PTK2B: variants seen among roughly 807,000 people sequenced by gnomAD.
PTK2B encodes the protein protein-tyrosine kinase 2-beta.
In PTK2B, 71 loss-of-function variants were observed where a neutral mutation model predicts 142.9. The observed-to-expected ratio is 0.50, with a 90% CI of 0.41 to 0.61. The LOEUF (loss-of-function observed/expected upper bound fraction) is 0.61, where lower values mean the gene tolerates loss of function less well. Ranked by LOEUF, PTK2B falls within the 20% of genes least tolerant of loss-of-function variation. PTK2B has a pLI of 0.00. For synonymous variants in PTK2B, 519 were observed against 503.4 expected (o/e 1.03, Z -0.42); for missense variants, 1,105 against 1,320.4 (o/e 0.84, Z 2.53).
intron 3 of PTK2B, 150 bp downstream of exon 3, chr8:27,420,223 C>T: frequency 2.1e-6 from 2 of 945,806 alleles, no homozygotes; most frequent in East Asian, 2.6e-5. Context: ...CTCCAGTATC[C>T]AATGCATGTA....
chr8:27,397,471 G>T, intron 1 of PTK2B, 77 bp from the exon 2 acceptor site: 1 of 1,107,662 alleles, frequency 9.0e-7, no homozygotes, highest in East Asian at 2.4e-5. Flanking sequence ...GAGCTCGGTG[G>T]GTGCTGTCCC....
chr8:27,441,352 T>G (rs1231595672), intron 21 of PTK2B, among the ~76,000 whole-genome samples: 1 of 152,256 alleles, frequency 6.6e-6, no homozygotes, highest in Admixed American at 6.5e-5. Context: ...CATACAAAAA[T>G]AGATGAAAGG....
intron 28 of PTK2B, among the ~76,000 whole-genome samples, chr8:27,453,367 C>G (rs1317587007): frequency 3.3e-5 from 5 of 152,178 alleles, no homozygotes; most frequent in Non-Finnish European, 5.9e-5. Context: ...GAGGAAGAAC[C>G]AATCTCCCAC....
At chr8:27,440,572 GC>G in intron 21 of PTK2B, 131 bp downstream of exon 21, 1 of 1,075,650 alleles carries the variant, frequency 9.3e-7, no homozygotes, top group Non-Finnish European at 1.3e-6. Context: ...GGAGGCTGAA[GC>G]CAGGTTCACT....
intron 20 of PTK2B, 109 bp from the exon 21 acceptor site, chr8:27,440,128 G>A: frequency 2.7e-6 from 3 of 1,125,156 alleles, no homozygotes; most frequent in Non-Finnish European, 3.9e-6. Context: ...GAGGAGGAGG[G>A]ACCGCAGGAG....
At chr8:27,445,541 C>T (rs1321335465) in intron 23 of PTK2B, among the ~76,000 whole-genome samples, 3 of 152,172 alleles carry the variant, frequency 2.0e-5, no homozygotes, top group Non-Finnish European at 2.9e-5. Flanking sequence ...CTCAGTGGGT[C>T]CGTAACCAGC....
chr8:27,392,809 T>C (rs1807807298), intron 1 of PTK2B, among the ~76,000 whole-genome samples: 1 of 152,180 alleles, frequency 6.6e-6, no homozygotes, highest in South Asian at 2.1e-4. Flanking sequence ...TTGAGGAAGT[T>C]GCCATGTGTC....
intron 27 of PTK2B, chr8:27,452,628 G>A (rs1811888105): frequency 6.4e-6 from 1 of 157,252 alleles, no homozygotes; most frequent in Non-Finnish European, 1.4e-5. Flanking sequence ...TTCAAAGTGG[G>A]AGTGAATAGC....
intron 1 of PTK2B, among the ~76,000 whole-genome samples, chr8:27,327,714 T>TA (rs1191591944): frequency 6.6e-6 from 1 of 151,892 alleles, no homozygotes; most frequent in Non-Finnish European, 1.5e-5. Flanking sequence ...GGTGAAGGAG[T>TA]ATGGTACCTC....
intron 3 of PTK2B, among the ~76,000 whole-genome samples, chr8:27,317,664 A>G (rs992670041): frequency 3.9e-5 from 6 of 152,200 alleles, no homozygotes; most frequent in African/African-American, 1.4e-4. Context: ...CTGCATGGCA[A>G]TAGACTTTTG....
At chr8:27,447,313 C>G (rs1026827808) in intron 24 of PTK2B, among the ~76,000 whole-genome samples, 1 of 152,200 alleles carries the variant, frequency 6.6e-6, no homozygotes, top group African/African-American at 2.4e-5. Context: ...AAAATATAAG[C>G]TCCATTTTAT....
chr8:27,449,330 G>C (rs761632881), intron 24 of PTK2B, among the ~76,000 whole-genome samples: 1 of 152,234 alleles, frequency 6.6e-6, no homozygotes, highest in Non-Finnish European at 1.5e-5. Context: ...ATGGGGAAAC[G>C]TGTGATTAGA....
chr8:27,359,385 G>A (rs1805569802), intron 1 of PTK2B, among the ~76,000 whole-genome samples: 1 of 152,148 alleles, frequency 6.6e-6, no homozygotes, highest in Non-Finnish European at 1.5e-5. Context: ...CAAAGTGCTG[G>A]GATTACAGGC....
At chr8:27,377,108 G>A (rs1806719232) in intron 1 of PTK2B, among the ~76,000 whole-genome samples, 2 of 152,080 alleles carry the variant, frequency 1.3e-5, no homozygotes, top group South Asian at 4.2e-4. Flanking sequence ...TGCCCCCTGC[G>A]GGTAAAAGGT....
At chr8:27,361,018 G>A (rs1038195679) in intron 1 of PTK2B, among the ~76,000 whole-genome samples, 4 of 152,076 alleles carry the variant, frequency 2.6e-5, no homozygotes, top group Non-Finnish European at 4.4e-5. Context: ...TTTGTTACAT[G>A]GGATACATTG....
intron 1 of PTK2B, among the ~76,000 whole-genome samples, chr8:27,344,869 G>A (rs1804622651): frequency 1.3e-5 from 2 of 152,208 alleles, no homozygotes; most frequent in South Asian, 4.1e-4. Flanking sequence ...AAGGAGGGAG[G>A]AAGAAGAGTA....
intron 28 of PTK2B, among the ~76,000 whole-genome samples, chr8:27,453,519 T>G (rs1811952363): frequency 6.6e-6 from 1 of 152,178 alleles, no homozygotes. Context: ...TGGTGCTGGC[T>G]TTCTTTCCTC....
intron 1 of PTK2B, among the ~76,000 whole-genome samples, chr8:27,383,811 G>A (rs899658283): frequency 6.7e-5 from 10 of 149,048 alleles, no homozygotes; most frequent in Non-Finnish European, 1.5e-5. Context: ...TCAACCTTCT[G>A]AGTAGCTGGG....
rs780868637 is a variant in PTK2B, at chr8:27,430,977, C to T, written c.771C>T (p.Phe257=). 8.7e-6 allele frequency: 14 copies of T among 1,614,046 alleles called. No homozygotes were observed. Among genetic ancestry groups the T allele is most frequent in the Admixed American group, 3.3e-5 (2 of 60,008 alleles). Residue 257 remains phenylalanine, a synonymous_variant, in exon 8 of 31, where the codon TTC becomes TTT. Transcript: ENST00000346049. ...VMKFFNTLAG[F]ANIDQETYRC... Reference sequence around the variant, plus strand: ...AGTTCTTCAACACTCTCGCCGGCTTCGCCAACATCGACCAGGAGACCTACC... The same window carrying T: ...AGTTCTTCAACACTCTCGCCGGCTTTGCCAACATCGACCAGGAGACCTACC...
Sources: allele counts gnomAD v4.1 joint callset (sites outside exome capture counted in the v4.1 genomes callset), GRCh38; gene constraint gnomAD v4.1.1; transcripts MANE v1.5; gene names NCBI Gene and HGNC (gene_info 2026-07-23, HGNC 2026-07-21).